Variants in MAPKAP1 observed in about 807,000 individuals in gnomAD.
MAPKAP1 encodes the protein target of rapamycin complex 2 subunit MAPKAP1.
In MAPKAP1, 20 loss-of-function variants were observed where a neutral mutation model predicts 65.7. That is an observed-to-expected ratio of 0.30 (90% CI 0.21 to 0.44). The LOEUF is 0.44. Ranked by LOEUF, MAPKAP1 falls within the 20% of genes least tolerant of loss-of-function variation. The pLI is 1.00. For missense variants in MAPKAP1, 423 were observed against 648.0 expected (o/e 0.65, Z 3.77); for synonymous variants, 222 against 244.3 (o/e 0.91, Z 0.85).
intron 3 of MAPKAP1, 129 bp downstream of exon 3, chr9:125,669,689 C>T (rs935680658): frequency 8.3e-6 from 4 of 481,936 alleles, no homozygotes; most frequent in Non-Finnish European, 1.5e-5. Context: ...AGAGAAAGAG[C>T]TCAAAGCTCA....
intron 7 of MAPKAP1, among the ~76,000 whole-genome samples, chr9:125,524,456 T>C (rs1414813052): frequency 1.3e-5 from 2 of 152,240 alleles, no homozygotes; most frequent in African/African-American, 4.8e-5. Flanking sequence ...CATTTTGCCA[T>C]GTTCAACTCT....
chr9:125,691,166 CAGG>C (rs1588079811), intron 1 of MAPKAP1, among the ~76,000 whole-genome samples: 1 of 152,108 alleles, frequency 6.6e-6, no homozygotes, highest in Non-Finnish European at 1.5e-5. Flanking sequence ...GAGGCTGAGG[CAGG>C]AGAATGGCGT....
At chr9:125,461,416 A>G (rs1445808430) in intron 10 of MAPKAP1, among the ~76,000 whole-genome samples, 1 of 152,138 alleles carries the variant, frequency 6.6e-6, no homozygotes, top group Non-Finnish European at 1.5e-5. Context: ...CATCAATCAC[A>G]CTATTGTCTG....
intron 4 of MAPKAP1, among the ~76,000 whole-genome samples, chr9:125,622,107 T>G (rs771113116): frequency 6.6e-6 from 1 of 151,370 alleles, no homozygotes; most frequent in African/African-American, 2.4e-5. Flanking sequence ...AAGTGGAGAG[T>G]AGAATTGTGG....
chr9:125,674,602 A>G (rs1022168739), intron 1 of MAPKAP1, among the ~76,000 whole-genome samples: 4 of 152,260 alleles, frequency 2.6e-5, no homozygotes, highest in Non-Finnish European at 5.9e-5. Context: ...ATAAATCCTT[A>G]CAGTTAACTA....
intron 4 of MAPKAP1, among the ~76,000 whole-genome samples, chr9:125,620,966 A>G (rs1489871511): frequency 6.6e-6 from 1 of 152,146 alleles, no homozygotes; most frequent in African/African-American, 2.4e-5. Flanking sequence ...AAATAATAAG[A>G]TAAGAATAAC....
chr9:125,677,400 GAA>G (rs1834678722), intron 1 of MAPKAP1, among the ~76,000 whole-genome samples: 1 of 151,766 alleles, frequency 6.6e-6, no homozygotes, highest in Non-Finnish European at 1.5e-5. Context: ...GACTCCATCT[GAA>G]AAAAATAATA....
At chr9:125,493,503 T>C (rs1228837100) in intron 8 of MAPKAP1, among the ~76,000 whole-genome samples, 5 of 152,226 alleles carry the variant, frequency 3.3e-5, no homozygotes, top group African/African-American at 1.2e-4. Flanking sequence ...ACACAGTAGA[T>C]GTTCAATAAA....
chr9:125,513,853 G>C (rs1829382012), intron 7 of MAPKAP1, among the ~76,000 whole-genome samples: 1 of 152,098 alleles, frequency 6.6e-6, no homozygotes, highest in South Asian at 2.1e-4. Flanking sequence ...AGGGGTGCAG[G>C]GTGCATATCT....
chr9:125,516,318 CA>C (rs1829459636), intron 7 of MAPKAP1, among the ~76,000 whole-genome samples: 1 of 152,132 alleles, frequency 6.6e-6, no homozygotes, highest in African/African-American at 2.4e-5. Flanking sequence ...TGCACTAGAC[CA>C]TTAATGAAGG....
intron 4 of MAPKAP1, among the ~76,000 whole-genome samples, chr9:125,618,149 G>A (rs1194277943): frequency 6.6e-6 from 1 of 151,404 alleles, no homozygotes; most frequent in Admixed American, 6.6e-5. Flanking sequence ...CGAGACCAGC[G>A]TGGCCTACAT....
At chr9:125,628,243 G>T (rs778490249) in intron 4 of MAPKAP1, among the ~76,000 whole-genome samples, 20 of 152,124 alleles carry the variant, frequency 1.3e-4, no homozygotes, top group Non-Finnish European at 2.6e-4. Context: ...TCAGGCAGAA[G>T]AACACCACAC....
intron 4 of MAPKAP1, among the ~76,000 whole-genome samples, chr9:125,621,116 G>T (rs1225821902): frequency 1.3e-5 from 2 of 151,924 alleles, no homozygotes; most frequent in South Asian, 4.1e-4. Context: ...TACCAAAAAT[G>T]CAAAAATTAG....
At chr9:125,463,117 G>T (rs1405734646) in intron 10 of MAPKAP1, among the ~76,000 whole-genome samples, 2 of 152,204 alleles carry the variant, frequency 1.3e-5, no homozygotes, top group African/African-American at 4.8e-5. Context: ...AACTAGTCAT[G>T]CAGAACCGCT....
chr9:125,561,736 A>G (rs936325914), intron 5 of MAPKAP1, among the ~76,000 whole-genome samples: 4 of 152,220 alleles, frequency 2.6e-5, no homozygotes, highest in African/African-American at 9.7e-5. Flanking sequence ...TAAAAAGGGT[A>G]TAATCGTCCC....
chr9:125,462,172 A>G (rs1172080067), intron 10 of MAPKAP1, among the ~76,000 whole-genome samples: 1 of 152,226 alleles, frequency 6.6e-6, no homozygotes, highest in African/African-American at 2.4e-5. Context: ...AATAGGGAGA[A>G]AGAAATCAGG....
chr9:125,450,085 G>C (rs1002370102), intron 10 of MAPKAP1, among the ~76,000 whole-genome samples: 1 of 151,872 alleles, frequency 6.6e-6, no homozygotes, highest in African/African-American at 2.4e-5. Context: ...ACCATGCCCG[G>C]CTATCATTTT....
rs74714408 is a variant in MAPKAP1 at position 125,667,487 on chromosome 9, T to TGC, written c.349+2330_349+2331insGC. 1.2e-3 allele frequency among the ~76,000 whole-genome samples: 189 copies of TGC among 152,132 alleles called. 1 individual carries two copies. Among genetic ancestry groups the TGC allele is most frequent in the African/African-American group, 4.3e-3 (179 of 41,394 alleles). ...GGCGCACACCACCATGCCCAGCTAA[T>TGC]TTATATTTTTAGTTGAGACAGGGTT... On this transcript the variant is annotated intron_variant, in intron 3 of 11. Coordinates refer to ENST00000265960, the MANE Select transcript of MAPKAP1 (RefSeq NM_001006617.3).
chr9:125,480,313 CTG>C (rs1458725741), intron 9 of MAPKAP1, among the ~76,000 whole-genome samples: 2 of 152,184 alleles, frequency 1.3e-5, no homozygotes, highest in African/African-American at 4.8e-5. Flanking sequence ...ATGATAAAGA[CTG>C]AACTTTGAGG....
Sources: allele counts gnomAD v4.1 joint callset (sites outside exome capture counted in the v4.1 genomes callset), GRCh38; gene constraint gnomAD v4.1.1; transcripts MANE v1.5; gene names NCBI Gene and HGNC (gene_info 2026-07-23, HGNC 2026-07-21).